DGKH: variants seen among roughly 807,000 people sequenced by gnomAD.
DGKH encodes DAG kinase eta.
DGKH carries 90 observed loss-of-function variants against 159.3 expected under a neutral mutation model. The observed-to-expected ratio is 0.57, with a 90% CI of 0.48 to 0.67. The LOEUF is 0.67. Among genes scored for constraint, DGKH ranks in the 30% least tolerant of loss-of-function variants. The pLI, the probability that DGKH is intolerant of heterozygous loss-of-function variation, is 0.00. For missense variants in DGKH, 1,181 were observed against 1,506.1 expected (o/e 0.78, Z 3.57); for synonymous variants, 536 against 553.8 (o/e 0.97, Z 0.45).
At chr13:42,191,320 G>T (rs933322291) in intron 16 of DGKH, among the ~76,000 whole-genome samples, 5 of 152,194 alleles carry the variant, frequency 3.3e-5, no homozygotes, top group Non-Finnish European at 7.4e-5. Flanking sequence ...GTCATTGGGG[G>T]CAATAGACAA....
intron 1 of DGKH, among the ~76,000 whole-genome samples, chr13:42,068,511 A>C (rs1882742229): frequency 6.6e-6 from 1 of 152,214 alleles, no homozygotes; most frequent in South Asian, 2.1e-4. Context: ...CGTGTGTTTT[A>C]CGAAATGTGT....
At chr13:42,207,042 C>T (rs347407) in intron 21 of DGKH, among the ~76,000 whole-genome samples, 1,666 of 37,334 alleles carry the variant, frequency 0.045, 166 homozygotes, top group Middle Eastern at 0.08. Context: ...TCTTTCTTTC[C>T]TTCTTTCCTT....
chr13:42,089,277 G>A (rs971952969), intron 1 of DGKH, among the ~76,000 whole-genome samples: 1 of 152,104 alleles, frequency 6.6e-6, no homozygotes, highest in Non-Finnish European at 1.5e-5. Flanking sequence ...TATTTGCAGA[G>A]CATTCAATCC....
chr13:42,174,897 C>G (rs60949500), intron 12 of DGKH, among the ~76,000 whole-genome samples: 1 of 152,156 alleles, frequency 6.6e-6, no homozygotes, highest in Non-Finnish European at 1.5e-5. Context: ...GACAGCAAGA[C>G]AGGTCTCTGG....
intron 1 of DGKH, among the ~76,000 whole-genome samples, chr13:42,093,580 C>T (rs1210172032): frequency 1.3e-5 from 2 of 152,120 alleles, no homozygotes; most frequent in East Asian, 3.8e-4. Context: ...CAGTATTATT[C>T]CTAATAGCCA....
At position 42,208,769 on chromosome 13, in the gene DGKH, C is replaced by G. The variant is rs868017746; in HGVS notation, c.2602-190C>G. Reference sequence around the variant, plus strand: ...GTATATCCGTGTATATTTGAAAACCCTTTTTAAAGTTAGGTTTATTGGAAG... The same window carrying G: ...GTATATCCGTGTATATTTGAAAACCGTTTTTAAAGTTAGGTTTATTGGAAG... On this transcript the variant is annotated intron_variant, in intron 21 of 29. Transcript: ENST00000337343. Among the ~76,000 whole-genome samples, 49 of 150,798 alleles carry G rather than the reference C, an allele frequency of 3.2e-4. No homozygotes were observed. The South Asian group carries it at 5.2e-3, about 16-fold the overall frequency.
intron 29 of DGKH, among the ~76,000 whole-genome samples, chr13:42,251,832 A>AC (rs890414877): frequency 6.6e-6 from 1 of 152,030 alleles, no homozygotes; most frequent in African/African-American, 2.4e-5. Flanking sequence ...CCCATTACAT[A>AC]CCCCCCACTA....
At position 42,225,772 on chromosome 13, in the gene DGKH, CA is replaced by C. The variant is rs66933711; in HGVS notation, c.3574-3313del. On this transcript the variant is annotated intron_variant, in intron 29 of 29. Coordinates refer to ENST00000337343, the MANE Select transcript of DGKH (RefSeq NM_178009.5). ...TGAGTGACAGATTGAGACTCTGTCT[CA>C]AAAAAAAAAAAAAGAATATGATAAA... Among the ~76,000 whole-genome samples the C allele has an allele frequency of 4.1e-3, 497 of 120,394 alleles. 11 individuals carry two copies. The South Asian group carries it at 0.07, about 17-fold the overall frequency. The allele number at this position is 120,394 out of a possible 152,430, so 79.0% of individuals were successfully genotyped here.
Position 42,208,617 on chromosome 13 carries a change from G to A in DGKH, c.2602-342G>A, listed in dbSNP as rs563587874. Among the ~76,000 whole-genome samples, 4 of 151,586 alleles carry A rather than the reference G, an allele frequency of 2.6e-5. No individual in the cohort carries two copies. In the Middle Eastern group the frequency reaches 0.014, roughly 534 times the overall value. On this transcript the variant is annotated intron_variant, in intron 21 of 29. Coordinates refer to ENST00000337343, the MANE Select transcript of DGKH (RefSeq NM_178009.5). ...TTTTTTAGATTTCCAAAACTTACAT[G>A]TATCATCTTATTAACATGTTTGAAT...
intron 11 of DGKH, among the ~76,000 whole-genome samples, chr13:42,172,471 T>C (rs1037155848): frequency 2.0e-5 from 3 of 152,208 alleles, no homozygotes; most frequent in African/African-American, 7.2e-5. Context: ...TGTATGTCTA[T>C]TGGGGGGCTT....
At chr13:42,165,690 A>G (rs17598311) in intron 8 of DGKH, among the ~76,000 whole-genome samples, 53,664 of 151,968 alleles carry the variant, frequency 0.35, 9,993 homozygotes, top group Non-Finnish European at 0.42. Flanking sequence ...AAATAAAACA[A>G]GATCATTACT....
At chr13:42,047,216 A>G (rs1006123654), upstream of DGKH, among the ~76,000 whole-genome samples, 2 of 152,374 alleles carry the variant, frequency 1.3e-5, no homozygotes, top group Non-Finnish European at 2.9e-5. Context: ...ATTTTAATGA[A>G]TTTAATTTAC....
intron 1 of DGKH, among the ~76,000 whole-genome samples, chr13:42,052,906 G>A (rs998975101): frequency 4.6e-5 from 7 of 152,196 alleles, no homozygotes; most frequent in Non-Finnish European, 8.8e-5. Flanking sequence ...TACTCCTGAT[G>A]AGGTTTATTG....
rs1958455484 is a variant in DGKH, at chr13:42,238,201, C to T, written c.*9013C>T. 6.6e-6 allele frequency: 1 copy of T among 152,100 alleles called. No individual in the cohort carries two copies. The highest frequency in any genetic ancestry group is 1.5e-5 in the Non-Finnish European group (1 of 68,014). 9.4% of individuals were successfully genotyped at this position (152,100 alleles called of 1,614,324 possible). On this transcript the variant is annotated 3_prime_UTR_variant, in exon 30 of 30. Transcript: ENST00000337343. ...ATACCTAATTTTACAATTTCTTTCCCACGGTCATTTTGGATATAAAGATAG... is the reference window on the plus strand; with the variant it reads ...ATACCTAATTTTACAATTTCTTTCCTACGGTCATTTTGGATATAAAGATAG...
In DGKH at chr13:42,184,844, G is replaced by A. The variant is rs73187302; in HGVS notation, c.1539-2205G>A. On this transcript the variant is annotated intron_variant, in intron 13 of 29. Coordinates refer to ENST00000337343, the MANE Select transcript of DGKH (RefSeq NM_178009.5). Reference sequence around the variant, plus strand: ...ATCACACCATTGCACTCCAGCCTAGGCAACTGAGCAAGACCCCCATCTCTA... The same window carrying A: ...ATCACACCATTGCACTCCAGCCTAGACAACTGAGCAAGACCCCCATCTCTA... Among the ~76,000 whole-genome samples the A allele has an allele frequency of 8.0e-3, 1,211 of 151,278 alleles. 3 individuals carry two copies. Among genetic ancestry groups the A allele is most frequent in the Non-Finnish European group, 0.012 (794 of 67,856 alleles).
At chr13:42,074,893 A>C (rs1390785282) in intron 1 of DGKH, among the ~76,000 whole-genome samples, 1 of 152,212 alleles carries the variant, frequency 6.6e-6, no homozygotes, top group Non-Finnish European at 1.5e-5. Context: ...TGGAATTTGA[A>C]AGTGTGTGCC....
At chr13:42,246,501 T>C (rs991440948), downstream of DGKH, among the ~76,000 whole-genome samples, 1 of 152,188 alleles carries the variant, frequency 6.6e-6, no homozygotes, top group African/African-American at 2.4e-5. Flanking sequence ...TGAGGTACTA[T>C]ATCTACATTT....
chr13:42,081,691 T>TA (rs1954203686), intron 1 of DGKH, among the ~76,000 whole-genome samples: 2 of 152,234 alleles, frequency 1.3e-5, no homozygotes, highest in African/African-American at 4.8e-5. Flanking sequence ...GTTTTCTCAA[T>TA]TCTTCTGATA....
At chr13:42,070,786 C>CTGTTTACAT in intron 1 of DGKH, 1 of 1,527,518 alleles carries the variant, frequency 6.5e-7, no homozygotes, top group Non-Finnish European at 9.0e-7. Flanking sequence ...AATGTAAACA[C>CTGTTTACAT]TGTTTAGTTC....
Sources: gnomAD v4.1 joint callset for allele counts (sites outside exome capture counted in the v4.1 genomes callset) on GRCh38, gnomAD v4.1.1 for gene constraint, MANE v1.5 for transcripts, NCBI Gene and HGNC (gene_info 2026-07-23, HGNC 2026-07-21) for gene names.